The following STAT4 variants were observed in gnomAD, a reference collection of about 807,000 sequenced individuals.
STAT4 encodes signal transducer and activator of transcription 4.
In STAT4, 42 loss-of-function variants were observed where a neutral mutation model predicts 110.5. That is an observed-to-expected ratio of 0.38 (90% CI 0.30 to 0.49). The LOEUF (loss-of-function observed/expected upper bound fraction) is 0.49, where lower values mean the gene tolerates loss of function less well. STAT4 is among the 20% of genes least tolerant of loss of function. The probability of loss-of-function intolerance (pLI) is 0.95; values close to 1 mark genes in which losing one functional copy is unlikely to be tolerated. For synonymous variants in STAT4, 284 were observed against 302.2 expected (o/e 0.94, Z 0.63); for missense variants, 632 against 887.9 (o/e 0.71, Z 3.66).
intron 4 of STAT4, among the ~76,000 whole-genome samples, chr2:191,073,410 G>A (rs1321606261): frequency 2.0e-5 from 3 of 152,214 alleles, no homozygotes; most frequent in Non-Finnish European, 4.4e-5. Context: ...ATATAGGACA[G>A]GCACAGTGGC....
chr2:191,040,926 A>G (rs1696180648), intron 15 of STAT4, 139 bp downstream of exon 15: 2 of 503,694 alleles, frequency 4.0e-6, no homozygotes, highest in Admixed American at 7.0e-5. Flanking sequence ...AATATTTGAC[A>G]TATTGACTTT....
In STAT4 at chr2:191,033,663, A is replaced by T. The variant is rs1408825112; in HGVS notation, c.1716-37T>A. 2.5e-6 allele frequency: 4 copies of T among 1,598,044 alleles called. No homozygotes were observed. The African/African-American group carries it at 5.4e-5, about 22-fold the overall frequency. ...ACATGCATTATTTCATCTGATCATT[A>T]TTGGATTTTCACTTATTGCATTTAC... On this transcript the variant is annotated intron_variant, in intron 19 of 23. Transcript: ENST00000392320. The surrounding 1 kb of genome is among the most constrained non-coding windows in gnomAD (Gnocchi z 6.9).
At chr2:191,148,993 AAAGT>A (rs1489972218) in intron 1 of STAT4, among the ~76,000 whole-genome samples, 1 of 152,210 alleles carries the variant, frequency 6.6e-6, no homozygotes, top group Non-Finnish European at 1.5e-5. Context: ...TCATAAAAGA[AAAGT>A]ACGCATTTCC....
chr2:191,120,466 C>T (rs540732770), intron 3 of STAT4, among the ~76,000 whole-genome samples: 6 of 152,120 alleles, frequency 3.9e-5, no homozygotes, highest in East Asian at 3.9e-4. Context: ...GCTAGTGAGC[C>T]GTGATTGAGC....
chr2:191,072,663 A>G (rs563839277), intron 5 of STAT4, among the ~76,000 whole-genome samples: 3 of 152,346 alleles, frequency 2.0e-5, no homozygotes, highest in African/African-American at 4.8e-5. Flanking sequence ...CACTAGATCA[A>G]TAAAATTGAT....
rs16833222 is a variant in STAT4, at chr2:191,053,135, A to G, written c.1251+1355T>C. The stretch of plus-strand genomic sequence containing the variant: ...GGTGTGATAAATTGGATGTCATTGG[A>G]TGCTGGATTTATAAAGTGCTTTTCC... On this transcript the variant is annotated intron_variant, in intron 14 of 23. Coordinates refer to ENST00000392320, the MANE Select transcript of STAT4 (RefSeq NM_003151.4). The surrounding 1 kb of genome is among the most constrained non-coding windows in gnomAD (Gnocchi z 4.5). 8.6e-3 allele frequency among the ~76,000 whole-genome samples: 1,305 copies of G among 152,282 alleles called. 8 individuals are homozygous for G. The highest frequency in any genetic ancestry group is 0.027 in the East Asian group (142 of 5,172).
At chr2:191,115,903 A>G (rs1009069625) in intron 3 of STAT4, among the ~76,000 whole-genome samples, 1 of 152,204 alleles carries the variant, frequency 6.6e-6, no homozygotes, top group African/African-American at 2.4e-5. Context: ...TATTCTAAAT[A>G]CTAGGTCCTC....
chr2:191,113,637 G>T lies in STAT4; in HGVS notation c.273+32976C>A, dbSNP rs1383790251. On this transcript the variant is annotated intron_variant, in intron 3 of 23. Coordinates refer to ENST00000392320, the MANE Select transcript of STAT4 (RefSeq NM_003151.4). The surrounding 1 kb of genome is among the most constrained non-coding windows in gnomAD (Gnocchi z 4.8). ...GGCCAAATTTGTCTTTTGTCATCAT[G>T]CGGAAGAAAGATTAAAAAGGTTAAA... Among the ~76,000 whole-genome samples, 1 of 152,196 alleles carries T rather than the reference G, an allele frequency of 6.6e-6. No homozygotes were observed. The highest frequency in any genetic ancestry group is 1.9e-4 in the East Asian group (1 of 5,198).
chr2:191,120,869 T>G (rs1017903201), intron 3 of STAT4, among the ~76,000 whole-genome samples: 1 of 152,178 alleles, frequency 6.6e-6, no homozygotes, highest in Non-Finnish European at 1.5e-5. Flanking sequence ...GGGCAAGGAC[T>G]TCATGTCTAA....
intron 3 of STAT4, among the ~76,000 whole-genome samples, chr2:191,129,426 AAAAAG>A (rs1264739666): frequency 6.6e-6 from 1 of 152,118 alleles, no homozygotes; most frequent in Non-Finnish European, 1.5e-5. Flanking sequence ...CCATCTCTGA[AAAAAG>A]AAAAGAAAAG....
rs1695947083 is a variant in STAT4, at chr2:191,033,181, G to T, written c.1853-32C>A. ...AAACAGAAATTGGAGAAATATACAG[G>T]TTCCTGTACACATTCCTTGTGACCA... On this transcript the variant is annotated intron_variant, in intron 20 of 23. Transcript: ENST00000392320. This position sits in a 1 kb window ranked among gnomAD's most constrained non-coding sequence, Gnocchi z 6.9. The T allele has an allele frequency of 6.3e-7, 1 of 1,598,246 alleles. No homozygotes were observed. Among genetic ancestry groups the T allele is most frequent in the South Asian group, 1.1e-5 (1 of 89,056 alleles).
intron 3 of STAT4, among the ~76,000 whole-genome samples, chr2:191,122,475 C>T (rs1307627526): frequency 6.6e-6 from 1 of 152,092 alleles, no homozygotes; most frequent in Non-Finnish European, 1.5e-5. Flanking sequence ...TCTTAATGCC[C>T]TATTACCCAG....
intron 4 of STAT4, 31 bp from the exon 5 acceptor site, chr2:191,073,221 GT>G (rs772639043): frequency 6.3e-7 from 1 of 1,596,064 alleles, no homozygotes; most frequent in South Asian, 1.1e-5. Context: ...AATCTCTCTG[GT>G]TTTGAAAAGG....
Position 191,050,378 on chromosome 2 carries a change from T to C in STAT4, c.1251+4112A>G, listed in dbSNP as rs893473873. Among the ~76,000 whole-genome samples the C allele has an allele frequency of 2.6e-5, 4 of 152,158 alleles. No individual in the cohort carries two copies. The highest frequency in any genetic ancestry group is 2.1e-4 in the South Asian group (1 of 4,828). ...CACATTGACTCTTCCCAGGAGAGAA[T>C]AGAGTGGAGAGAAAGGCAGTGATTG... On this transcript the variant is annotated intron_variant, in intron 14 of 23. Coordinates refer to ENST00000392320, the MANE Select transcript of STAT4 (RefSeq NM_003151.4). This position sits in a 1 kb window ranked among gnomAD's most constrained non-coding sequence, Gnocchi z 4.3.
chr2:191,065,045 C>T (rs927868950), intron 7 of STAT4, 87 bp from the exon 8 acceptor site: 4 of 1,354,392 alleles, frequency 3.0e-6, no homozygotes, highest in Non-Finnish European at 9.7e-7. Context: ...ACCTGGTAGA[C>T]AAAGGCTTGG....
intron 3 of STAT4, among the ~76,000 whole-genome samples, chr2:191,098,249 G>A (rs922293153): frequency 1.3e-5 from 2 of 152,082 alleles, no homozygotes; most frequent in Non-Finnish European, 2.9e-5. Context: ...TTGACCCAGC[G>A]ATCCCATTAC....
chr2:191,044,682 G>C (rs1018683231), intron 14 of STAT4, among the ~76,000 whole-genome samples: 1 of 152,130 alleles, frequency 6.6e-6, no homozygotes, highest in African/African-American at 2.4e-5. Flanking sequence ...CCCCACAATT[G>C]CACAACAGGA....
intron 3 of STAT4, among the ~76,000 whole-genome samples, chr2:191,115,669 C>A (rs1273102561): frequency 3.9e-5 from 6 of 152,196 alleles, no homozygotes; most frequent in Non-Finnish European, 7.3e-5. Context: ...GCTCCTCCCA[C>A]AAGCAAAATC....
At chr2:191,114,085 A>C (rs1698500384) in intron 3 of STAT4, among the ~76,000 whole-genome samples, 1 of 152,226 alleles carries the variant, frequency 6.6e-6, no homozygotes, top group African/African-American at 2.4e-5. Context: ...AACTTAGGTA[A>C]CTTTTTAGAC....
Sources: allele counts gnomAD v4.1 joint callset (sites outside exome capture counted in the v4.1 genomes callset), GRCh38; gene constraint gnomAD v4.1.1; non-coding constraint Gnocchi (gnomAD v3.1); transcripts MANE v1.5; gene names NCBI Gene and HGNC (gene_info 2026-07-23, HGNC 2026-07-21).